DNAI4: variants seen among roughly 807,000 people sequenced by gnomAD.
DNAI4 encodes dynein axonemal intermediate chain 4.
Under a neutral mutation model 105.8 loss-of-function variants are expected in DNAI4, and 85 were observed. The observed-to-expected ratio is 0.80, with a 90% CI of 0.67 to 0.96. The LOEUF (loss-of-function observed/expected upper bound fraction) is 0.96, where lower values mean the gene tolerates loss of function less well. Ranked by LOEUF, DNAI4 falls within the 40% of genes least tolerant of loss-of-function variation. DNAI4 has a pLI of 0.00. For missense variants in DNAI4, 1,014 were observed against 1,005.6 expected, an observed-to-expected ratio of 1.01 and a Z score of -0.11; for synonymous variants, 352 against 331.5, an observed-to-expected ratio of 1.06 and a Z score of -0.67.
At chr1:66,924,580 A>C in intron 1 of DNAI4, 82 bp downstream of exon 1, 1 of 1,601,324 alleles carries the variant, frequency 6.2e-7, no homozygotes, top group East Asian at 2.2e-5. Context: ...CCCTTTCCAA[A>C]TCCAGAAATG....
intron 10 of DNAI4, among the ~76,000 whole-genome samples, chr1:66,836,214 G>GAA (rs1645997980): frequency 1.0e-5 from 1 of 96,824 alleles, no homozygotes; most frequent in Non-Finnish European, 2.2e-5. Flanking sequence ...GAAAGAGAGA[G>GAA]AGAGAGAGAG....
intron 16 of DNAI4, among the ~76,000 whole-genome samples, chr1:66,815,736 T>G (rs1645501827): frequency 6.6e-6 from 1 of 152,168 alleles, no homozygotes; most frequent in South Asian, 2.1e-4. Flanking sequence ...CCAGCAATCC[T>G]CATCATGCCA....
Position 66,863,290 on chromosome 1 carries a change from T to G in DNAI4, c.941-988A>C, listed in dbSNP as rs1646665409. The stretch of plus-strand genomic sequence containing the variant: ...AATTTTTCAGTTAAAGGATGGTGAT[T>G]TAATAAATAATTTTTTTCCTTAAAA... On this transcript the variant is annotated intron_variant, in intron 6 of 16. Transcript: ENST00000371026. Among the ~76,000 whole-genome samples the G allele has an allele frequency of 4.6e-5, 7 of 152,232 alleles. No individual in the cohort carries two copies. In the South Asian group the frequency reaches 1.2e-3, roughly 27 times the overall value.
chr1:66,898,658 G>A (rs553233229), intron 2 of DNAI4, among the ~76,000 whole-genome samples: 1 of 152,264 alleles, frequency 6.6e-6, no homozygotes, highest in South Asian at 2.1e-4. Flanking sequence ...CACCAGATGT[G>A]CCCACTTGAC....
At chr1:66,830,792 AAT>A in intron 13 of DNAI4, among the ~76,000 whole-genome samples, 1 of 150,674 alleles carries the variant, frequency 6.6e-6, no homozygotes, top group Non-Finnish European at 1.5e-5. Flanking sequence ...AAAAAAAATA[AAT>A]AAATAAATAA....
chr1:66,826,815 C>T lies in DNAI4; in HGVS notation c.2339+5G>A, dbSNP rs1243588972. The T allele has an allele frequency of 1.2e-6, 2 of 1,612,834 alleles. No individual in the cohort carries two copies. Among genetic ancestry groups the T allele is most frequent in the Admixed American group, 3.3e-5 (2 of 59,784 alleles). On this transcript the variant is annotated splice_donor_5th_base_variant and intron_variant, in intron 15 of 16. Coordinates refer to ENST00000371026, the MANE Select transcript of DNAI4 (RefSeq NM_024763.5). ...AAAATTTATGCAAGAAAAATAGTAACTTACGTGCTGATATGAAGGTCCCAA... is the reference window on the plus strand; with the variant it reads ...AAAATTTATGCAAGAAAAATAGTAATTTACGTGCTGATATGAAGGTCCCAA...
chr1:66,910,317 G>A (rs1649562754), intron 1 of DNAI4, among the ~76,000 whole-genome samples: 2 of 152,140 alleles, frequency 1.3e-5, no homozygotes, highest in Admixed American at 1.3e-4. Context: ...AAAAGCCTAA[G>A]TCCTTACTAT....
intron 1 of DNAI4, among the ~76,000 whole-genome samples, chr1:66,920,005 A>G (rs1020143078): frequency 6.6e-5 from 10 of 152,276 alleles, no homozygotes; most frequent in Admixed American, 4.6e-4. Flanking sequence ...CGAGGGCCCC[A>G]CCCTCAAGCC....
rs140505501 is a variant in DNAI4, at chr1:66,887,054, TAGCTCAGATCCTC to T, written c.643+4087_643+4099del. ...CTAGCTTATCCTCAGCTCAGATCTT[TAGCTCAGATCCTC>T]AGCTCAGATCCTCACTGAAAGAATC... On this transcript the variant is annotated intron_variant, in intron 4 of 16. Transcript: ENST00000371026. Among the ~76,000 whole-genome samples the T allele has an allele frequency of 4.6e-3, 703 of 152,186 alleles. 2 individuals carry two copies. The highest frequency in any genetic ancestry group is 0.016 in the African/African-American group (651 of 41,496).
At chr1:66,919,156 G>A in intron 1 of DNAI4, 1 of 430,846 alleles carries the variant, frequency 2.3e-6, no homozygotes, top group South Asian at 1.7e-5. Flanking sequence ...GACCACCTTA[G>A]GCACATGTTG....
At chr1:66,871,084 G>A in intron 6 of DNAI4, 1 of 329,372 alleles carries the variant, frequency 3.0e-6, no homozygotes, top group Non-Finnish European at 5.4e-6. Context: ...TATTCTTTGT[G>A]ACATAGTAAA....
chr1:66,906,676 A>T (rs961777638), intron 1 of DNAI4, among the ~76,000 whole-genome samples: 1 of 152,164 alleles, frequency 6.6e-6, no homozygotes, highest in African/African-American at 2.4e-5. Flanking sequence ...TTTAAAATAT[A>T]TGAGTAAATG....
At position 66,857,264 on chromosome 1, in the gene DNAI4, C is replaced by T. The variant is rs553499130; in HGVS notation, c.1096+4883G>A. 7.1e-5 allele frequency among the ~76,000 whole-genome samples: 10 copies of T among 141,064 alleles called. No homozygotes were observed. In the East Asian group the frequency reaches 2.1e-3, roughly 30 times the overall value. 92.5% of individuals were successfully genotyped at this position (141,064 alleles called of 152,430 possible). ...AAAAACCAAACACCACATGTTCTCACTCATAGGTGGGAACTGAACAATGAA... is the reference window on the plus strand; with the variant it reads ...AAAAACCAAACACCACATGTTCTCATTCATAGGTGGGAACTGAACAATGAA... On this transcript the variant is annotated intron_variant, in intron 7 of 16. Transcript: ENST00000371026.
intron 1 of DNAI4, among the ~76,000 whole-genome samples, chr1:66,908,935 T>G (rs375346527): frequency 6.6e-6 from 1 of 152,242 alleles, no homozygotes; most frequent in African/African-American, 2.4e-5. Context: ...CACTGTCACA[T>G]CTATGCACTT....
intron 2 of DNAI4, among the ~76,000 whole-genome samples, chr1:66,901,123 G>C (rs540197415): frequency 2.6e-5 from 4 of 152,056 alleles, no homozygotes; most frequent in African/African-American, 9.6e-5. Context: ...CTTCAATTTT[G>C]TTGATCTTTT....
intron 11 of DNAI4, among the ~76,000 whole-genome samples, chr1:66,834,362 T>C (rs527445273): frequency 3.9e-5 from 6 of 152,174 alleles, no homozygotes; most frequent in South Asian, 2.1e-4. Flanking sequence ...TTGTACTTCT[T>C]ACAAAAGAAA....
chr1:66,922,876 T>C (rs960738467), intron 1 of DNAI4, among the ~76,000 whole-genome samples: 1 of 152,194 alleles, frequency 6.6e-6, no homozygotes, highest in African/African-American at 2.4e-5. Context: ...AAATCTGTTT[T>C]CTTGGGAGAG....
chr1:66,900,272 T>C (rs1356978945), intron 2 of DNAI4, among the ~76,000 whole-genome samples: 1 of 152,092 alleles, frequency 6.6e-6, no homozygotes, highest in African/African-American at 2.4e-5. Flanking sequence ...CGGCTAACTT[T>C]GTATTTTTAG....
intron 8 of DNAI4, among the ~76,000 whole-genome samples, chr1:66,844,300 C>G (rs1646223511): frequency 6.6e-6 from 1 of 152,172 alleles, no homozygotes; most frequent in South Asian, 2.1e-4. Context: ...GTGGCTCACA[C>G]CTGTAATCCC....
Sources: gnomAD v4.1 joint callset for allele counts (sites outside exome capture counted in the v4.1 genomes callset) on GRCh38, gnomAD v4.1.1 for gene constraint, MANE v1.5 for transcripts, NCBI Gene and HGNC (gene_info 2026-07-23, HGNC 2026-07-21) for gene names.